The following RAB5IF variants were observed in gnomAD, a reference collection of about 807,000 sequenced individuals.
The protein encoded by RAB5IF is RAB5 interacting factor, also known as GEL complex subunit OPTI.
Under a neutral mutation model 20.3 loss-of-function variants are expected in RAB5IF, and 15 were observed. That is an observed-to-expected ratio of 0.74 (90% confidence interval 0.50 to 1.14). RAB5IF has a LOEUF of 1.14. Ranked by LOEUF, RAB5IF falls within the 50% of genes most tolerant of loss-of-function variation. The pLI, the probability that RAB5IF is intolerant of heterozygous loss-of-function variation, is 0.00. For missense variants in RAB5IF, 148 were observed against 159.5 expected, an observed-to-expected ratio of 0.93 and a Z score of 0.39; for synonymous variants, 67 against 63.7, an observed-to-expected ratio of 1.05 and a Z score of -0.25.
intron 3 of RAB5IF, among the ~76,000 whole-genome samples, 159 bp from the exon 4 acceptor site, chr20:36,611,851 G>A (rs1054604755): frequency 2.6e-5 from 4 of 152,054 alleles, no homozygotes; most frequent in African/African-American, 7.2e-5. Context: ...TAGTGACAGC[G>A]TGATTTCAGT....
chr20:36,609,203 G>GACACA (rs2039030040), intron 2 of RAB5IF, among the ~76,000 whole-genome samples: 1 of 34,612 alleles, frequency 2.9e-5, no homozygotes, highest in Non-Finnish European at 5.4e-5. Flanking sequence ...ACGCACACAC[G>GACACA]CACACACGCA....
chr20:36,612,516 A>ATGTT lies in RAB5IF; in HGVS notation c.*467_*470dup, dbSNP rs2039150336. 9.4e-6 allele frequency: 4 copies of ATGTT among 423,652 alleles called. No homozygotes were observed. In the South Asian group the frequency reaches 1.0e-4, roughly 11 times the overall value. 26.2% of individuals were successfully genotyped at this position (423,652 alleles called of 1,614,324 possible). On this transcript the variant is annotated 3_prime_UTR_variant, in exon 4 of 4. Coordinates refer to ENST00000344795, the MANE Select transcript of RAB5IF (RefSeq NM_018840.5). ...ATCTAATAAGAGTTTCCATTGTAGA[A>ATGTT]TGTTTTCACATACTTGAATAAATCA... is the stretch of plus-strand genomic sequence containing the variant.
At chr20:36,610,238 C>T (rs146663516) in intron 3 of RAB5IF, among the ~76,000 whole-genome samples, 1,868 of 151,850 alleles carry the variant, frequency 0.012, 20 homozygotes, top group Non-Finnish European at 0.02. Context: ...GAGCCAAGAT[C>T]GCGCCATCGC....
chr20:36,609,778 G>A, intron 3 of RAB5IF, 48 bp downstream of exon 3: 1 of 1,614,018 alleles, frequency 6.2e-7, no homozygotes, highest in Non-Finnish European at 8.5e-7. Context: ...ATTTCATGAG[G>A]TGTCACTCAC....
chr20:36,608,556 C>CTTTTT (rs34058641), intron 2 of RAB5IF, among the ~76,000 whole-genome samples: 2 of 104,904 alleles, frequency 1.9e-5, no homozygotes, highest in Non-Finnish European at 2.0e-5. Flanking sequence ...CGGTCTCATT[C>CTTTTT]TTTTTTTTTT....
Position 36,609,589 on chromosome 20 carries a change from C to T in RAB5IF, c.219-12C>T, listed in dbSNP as rs772136318. The stretch of plus-strand genomic sequence containing the variant: ...TCAATTTATGTTTGGTACTTGTTCT[C>T]TGTTGCTCCAGATTCTGCCTGATCA... On this transcript the variant is annotated splice_polypyrimidine_tract_variant and intron_variant, in intron 2 of 3. Transcript: ENST00000344795. The T allele has an allele frequency of 1.3e-6, 2 of 1,572,684 alleles. No individual in the cohort carries two copies. Among genetic ancestry groups the T allele is most frequent in the African/African-American group, 1.4e-5 (1 of 73,482 alleles).
Position 36,612,255 on chromosome 20 carries a change from G to T in RAB5IF, c.*204G>T. ...TTAAAAACCACCCACCTTTGGGGAAGCATTTCTGAATTTATCCATCACCAA... is the reference window on the plus strand; with the variant it reads ...TTAAAAACCACCCACCTTTGGGGAATCATTTCTGAATTTATCCATCACCAA... On this transcript the variant is annotated 3_prime_UTR_variant, in exon 4 of 4. Transcript: ENST00000344795. 6.2e-7 allele frequency: 1 copy of T among 1,601,220 alleles called. No homozygotes were observed. Among genetic ancestry groups the T allele is most frequent in the Middle Eastern group, 1.7e-4 (1 of 6,024 alleles).
At chr20:36,611,500 A>T (rs1489601424) in intron 3 of RAB5IF, among the ~76,000 whole-genome samples, 2 of 151,494 alleles carry the variant, frequency 1.3e-5, no homozygotes, top group African/African-American at 4.8e-5. Flanking sequence ...ACTCAAAAAA[A>T]AAAAAAAAAA....
chr20:36,607,431 T>C (rs1276566968), intron 1 of RAB5IF, among the ~76,000 whole-genome samples: 8 of 152,114 alleles, frequency 5.3e-5, no homozygotes, highest in Non-Finnish European at 1.5e-5. Flanking sequence ...GGTTTCACCA[T>C]GTTGGCCGGG....
At position 36,609,920 on chromosome 20, in the gene RAB5IF, C is replaced by T. The variant is rs905757659; in HGVS notation, c.348+190C>T. The T allele has an allele frequency of 8.2e-6, 7 of 856,904 alleles. No homozygotes were observed. In the African/African-American group the frequency reaches 8.7e-5, roughly 11 times the overall value. 53.1% of individuals were successfully genotyped at this position (856,904 alleles called of 1,614,324 possible). A position where few individuals can be genotyped will look rare whatever the true frequency, so the allele number is the denominator to read the frequency against. On this transcript the variant is annotated intron_variant, in intron 3 of 3. Transcript: ENST00000344795. Reference sequence around the variant, plus strand: ...ATGTGGTCTGATATACTGTACAGTCCCCTGTAATGTGTAAATCCAGGGCCC... The same window carrying T: ...ATGTGGTCTGATATACTGTACAGTCTCCTGTAATGTGTAAATCCAGGGCCC...
chr20:36,609,156 T>TACATACATACATACATAC, intron 2 of RAB5IF, among the ~76,000 whole-genome samples: 9 of 17,052 alleles, frequency 5.3e-4, no homozygotes, highest in East Asian at 1.5e-3. Flanking sequence ...AGAACTATAT[T>TACATACATACATACATAC]ACACACACAC....
intron 1 of RAB5IF, 61 bp downstream of exon 1, chr20:36,606,126 AGAC>A: frequency 9.4e-7 from 1 of 1,064,428 alleles, no homozygotes; most frequent in Non-Finnish European, 1.3e-6. Context: ...GGGGAACGGA[AGAC>A]TGGCGCGGGC....
At chr20:36,609,918 T>C (rs2147964978) in intron 3 of RAB5IF, 188 bp downstream of exon 3, 2 of 841,252 alleles carry the variant, frequency 2.4e-6, no homozygotes, top group East Asian at 5.4e-5. Context: ...TACTGTACAG[T>C]CCCCTGTAAT....
intron 1 of RAB5IF, 27 bp from the exon 2 acceptor site, chr20:36,607,688 T>G (rs371396792): frequency 2.2e-5 from 35 of 1,612,802 alleles, no homozygotes; most frequent in Non-Finnish European, 1.7e-6. Flanking sequence ...CTCCAGATAA[T>G]TCTTGCATTT....
intron 2 of RAB5IF, among the ~76,000 whole-genome samples, chr20:36,609,244 C>T (rs183760482): frequency 0.017 from 2,294 of 133,992 alleles, 188 homozygotes; most frequent in African/African-American, 0.069. Context: ...CACACACACA[C>T]ACACACACAC....
At chr20:36,609,189 ACACACG>A (rs1250738897) in intron 2 of RAB5IF, among the ~76,000 whole-genome samples, 34 of 51,960 alleles carry the variant, frequency 6.5e-4, no homozygotes, top group Admixed American at 1.7e-3. Flanking sequence ...ACACACACAC[ACACACG>A]CACACACGCA....
rs1568595651 is a variant in RAB5IF at position 36,609,228 on chromosome 20, C to T, written c.219-373C>T. ...GCACACACGCACACACGCACACACACACACACACACACACACACACACACA... is the reference window on the plus strand; with the variant it reads ...GCACACACGCACACACGCACACACATACACACACACACACACACACACACA... On this transcript the variant is annotated intron_variant, in intron 2 of 3. Coordinates refer to ENST00000344795, the MANE Select transcript of RAB5IF (RefSeq NM_018840.5). Among the ~76,000 whole-genome samples, 1,011 of 125,130 alleles carry T rather than the reference C, an allele frequency of 8.1e-3. 36 individuals carry two copies. Among genetic ancestry groups the T allele is most frequent in the African/African-American group, 0.032 (940 of 28,930 alleles). 82.1% of individuals were successfully genotyped at this position (125,130 alleles called of 152,430 possible). A position where few individuals can be genotyped will look rare whatever the true frequency, so the allele number is the denominator to read the frequency against.
At chr20:36,606,477 C>G (rs1055954429) in intron 1 of RAB5IF, among the ~76,000 whole-genome samples, 17 of 152,348 alleles carry the variant, frequency 1.1e-4, no homozygotes, top group Non-Finnish European at 2.1e-4. Context: ...AGAATGCTTT[C>G]TACGTGCCAG....
intron 2 of RAB5IF, among the ~76,000 whole-genome samples, chr20:36,609,234 C>CTATAT (rs2039038731): frequency 7.7e-6 from 1 of 130,230 alleles, no homozygotes; most frequent in African/African-American, 3.3e-5. Context: ...CACACACACA[C>CTATAT]ACACACACAC....
Sources: allele counts gnomAD v4.1 joint callset (sites outside exome capture counted in the v4.1 genomes callset), GRCh38; gene constraint gnomAD v4.1.1; transcripts MANE v1.5; gene names NCBI Gene and HGNC (gene_info 2026-07-23, HGNC 2026-07-21).